Variants in PPP4R4 observed in about 807,000 individuals in gnomAD.
PPP4R4 encodes protein phosphatase 4 regulatory subunit 4.
A neutral mutation model predicts 121.8 loss-of-function variants in PPP4R4; 70 were observed. The ratio of observed to expected loss-of-function variants is 0.57; its 90% CI spans 0.47 to 0.70. PPP4R4 has a LOEUF of 0.70. Among genes scored for constraint, PPP4R4 ranks in the 30% least tolerant of loss-of-function variants. The pLI is 0.00. For missense variants in PPP4R4, 875 were observed against 1,033.6 expected (o/e 0.85, Z 2.10); for synonymous variants, 348 against 355.7 (o/e 0.98, Z 0.24).
chr14:94,219,276 A>G (rs888104782), intron 3 of PPP4R4, among the ~76,000 whole-genome samples: 1 of 151,964 alleles, frequency 6.6e-6, no homozygotes, highest in Non-Finnish European at 1.5e-5. Context: ...GGGTTTCACC[A>G]TGTTGGCCAG....
At chr14:94,202,595 A>G (rs1298003410) in intron 2 of PPP4R4, among the ~76,000 whole-genome samples, 2 of 152,172 alleles carry the variant, frequency 1.3e-5, no homozygotes, top group Admixed American at 6.5e-5. Context: ...GTTTTAAATC[A>G]TGGGTACATA....
intron 14 of PPP4R4, among the ~76,000 whole-genome samples, chr14:94,249,822 T>G (rs967073172): frequency 5.3e-5 from 8 of 152,042 alleles, no homozygotes; most frequent in African/African-American, 1.9e-4. Context: ...TGGCATGTTA[T>G]AGCAAATGTT....
chr14:94,275,247 TA>T, intron 23 of PPP4R4, 126 bp from the exon 24 acceptor site: 1 of 1,083,208 alleles, frequency 9.2e-7, no homozygotes, highest in Non-Finnish European at 1.3e-6. Flanking sequence ...TTGTTGTATG[TA>T]AATTATACCC....
At chr14:94,268,989 C>G (rs917911565) in intron 23 of PPP4R4, among the ~76,000 whole-genome samples, 1 of 151,978 alleles carries the variant, frequency 6.6e-6, no homozygotes, top group African/African-American at 2.4e-5. Context: ...TGAGGGAGAA[C>G]TGTAGGTTGA....
chr14:94,195,047 A>G (rs1470145013), intron 2 of PPP4R4, among the ~76,000 whole-genome samples: 4 of 152,162 alleles, frequency 2.6e-5, no homozygotes, highest in Non-Finnish European at 5.9e-5. Context: ...GCCAGGACTA[A>G]CAGAAGTTGT....
rs150121312 is a variant in PPP4R4 at position 94,268,892 on chromosome 14, A to G, written c.2449+1863A>G. 1.8e-4 allele frequency among the ~76,000 whole-genome samples: 28 copies of G among 152,336 alleles called. No homozygotes were observed. In the East Asian group the frequency reaches 5.4e-3, roughly 29 times the overall value. Reference sequence around the variant, plus strand: ...TTCAAGGTGAGATTTGGGTAGCGACACAGAGCCAAACTATATCATGAGAGT... The same window carrying G: ...TTCAAGGTGAGATTTGGGTAGCGACGCAGAGCCAAACTATATCATGAGAGT... On this transcript the variant is annotated intron_variant, in intron 23 of 24. Transcript: ENST00000304338.
intron 3 of PPP4R4, among the ~76,000 whole-genome samples, chr14:94,216,137 T>A (rs1194941188): frequency 2.0e-5 from 3 of 152,240 alleles, no homozygotes; most frequent in Non-Finnish European, 4.4e-5. Flanking sequence ...TAAGGAATGA[T>A]ACTAGGGCTC....
rs1227448276 is a variant in PPP4R4, at chr14:94,256,434, C to T, written c.1866-26C>T. The T allele has an allele frequency of 1.1e-4, 169 of 1,529,698 alleles. 2 individuals are homozygous for T. In the East Asian group the frequency reaches 3.8e-3, roughly 34 times the overall value. The allele number at this position is 1,529,698 out of a possible 1,614,324, so 94.8% of individuals were successfully genotyped here. A position where few individuals can be genotyped will look rare whatever the true frequency, so the allele number is the denominator to read the frequency against. ...GTTATTCTTAGTTATTAACTTCACTCAAGAGTAAATACTATTTTATTGTAG... is the reference window on the plus strand; with the variant it reads ...GTTATTCTTAGTTATTAACTTCACTTAAGAGTAAATACTATTTTATTGTAG... On this transcript the variant is annotated intron_variant, in intron 16 of 24. Transcript: ENST00000304338.
intron 2 of PPP4R4, among the ~76,000 whole-genome samples, chr14:94,192,025 G>A (rs889743672): frequency 2.0e-5 from 3 of 151,968 alleles, no homozygotes; most frequent in Non-Finnish European, 4.4e-5. Flanking sequence ...GAAATATACC[G>A]CTCATATATT....
At chr14:94,225,328 T>C (rs992365652) in intron 3 of PPP4R4, among the ~76,000 whole-genome samples, 15 of 152,082 alleles carry the variant, frequency 9.9e-5, no homozygotes, top group African/African-American at 3.4e-4. Flanking sequence ...AAAGTGAGCA[T>C]GTAATTTGGG....
intron 2 of PPP4R4, among the ~76,000 whole-genome samples, chr14:94,206,820 C>A (rs1890484220): frequency 6.6e-6 from 1 of 151,948 alleles, no homozygotes. Context: ...GTTGTTGTAA[C>A]AAATTACCGC....
intron 2 of PPP4R4, among the ~76,000 whole-genome samples, chr14:94,199,921 G>A (rs568512367): frequency 1.3e-4 from 20 of 152,238 alleles, no homozygotes; most frequent in African/African-American, 4.1e-4. Flanking sequence ...ATAGGCACAG[G>A]ATGAGGGTGT....
chr14:94,270,481 C>T (rs1168808904), intron 23 of PPP4R4, among the ~76,000 whole-genome samples: 1 of 152,144 alleles, frequency 6.6e-6, no homozygotes, highest in East Asian at 1.9e-4. Flanking sequence ...TTGATTTCAA[C>T]AATTACTATA....
chr14:94,247,003 A>C (rs185849193), intron 14 of PPP4R4, among the ~76,000 whole-genome samples: 1 of 152,280 alleles, frequency 6.6e-6, no homozygotes, highest in East Asian at 1.9e-4. Context: ...GGTTACTTTT[A>C]GAGTGTGGCA....
intron 14 of PPP4R4, among the ~76,000 whole-genome samples, 193 bp from the exon 15 acceptor site, chr14:94,249,979 A>G (rs994844837): frequency 1.3e-5 from 2 of 152,078 alleles, no homozygotes; most frequent in Non-Finnish European, 1.5e-5. Context: ...ACTTTGTAAT[A>G]TAATTATTGG....
intron 7 of PPP4R4, among the ~76,000 whole-genome samples, chr14:94,235,701 T>C (rs1358884112): frequency 6.6e-6 from 1 of 152,058 alleles, no homozygotes. Context: ...GCCCAGCTGT[T>C]GCTCCCCTTG....
intron 23 of PPP4R4, 33 bp from the exon 24 acceptor site, chr14:94,275,341 T>A: frequency 6.2e-7 from 1 of 1,609,354 alleles, no homozygotes; most frequent in Non-Finnish European, 8.5e-7. Context: ...TTAGTATATT[T>A]GGTATGTCTG....
chr14:94,268,791 G>T (rs1331759706), intron 23 of PPP4R4, among the ~76,000 whole-genome samples: 2 of 152,090 alleles, frequency 1.3e-5, no homozygotes, highest in East Asian at 3.9e-4. Context: ...CACGAGAACA[G>T]CATGGGAAAA....
At chr14:94,230,515 C>T in intron 3 of PPP4R4, 72 bp from the exon 4 acceptor site, 1 of 1,397,120 alleles carries the variant, frequency 7.2e-7, no homozygotes, top group Non-Finnish European at 9.8e-7. Flanking sequence ...GTTTCTACAA[C>T]CTTGGATTTT....
Sources: allele counts gnomAD v4.1 joint callset (sites outside exome capture counted in the v4.1 genomes callset), GRCh38; gene constraint gnomAD v4.1.1; transcripts MANE v1.5; gene names NCBI Gene and HGNC (gene_info 2026-07-23, HGNC 2026-07-21).